Variants in TBC1D4 observed in about 807,000 individuals in gnomAD.
TBC1D4 encodes the protein TBC (Tre-2, BUB2, CDC16) domain-containing protein.
Under a neutral mutation model 142.5 loss-of-function variants are expected in TBC1D4, and 121 were observed. That is an observed-to-expected ratio of 0.85 (90% confidence interval 0.73 to 0.99). The LOEUF is 0.99. Among genes scored for constraint, TBC1D4 ranks in the 50% least tolerant of loss-of-function variants. The pLI, the probability that TBC1D4 is intolerant of heterozygous loss-of-function variation, is 0.00. For missense variants in TBC1D4, 1,475 were observed against 1,606.6 expected (o/e 0.92, Z 1.40); for synonymous variants, 630 against 628.2 (o/e 1.00, Z -0.04).
intron 1 of TBC1D4, among the ~76,000 whole-genome samples, chr13:75,390,854 AGGG>A (rs1884436225): frequency 0.011 from 1 of 94 alleles, no homozygotes; most frequent in African/African-American, 0.017. Flanking sequence ...AAGGGAGGGG[AGGG>A]GAGGGGAGGG....
intron 1 of TBC1D4, among the ~76,000 whole-genome samples, chr13:75,396,840 TATGATTAAAGAATAGAC>T (rs1033353452): frequency 2.6e-5 from 4 of 152,064 alleles, no homozygotes; most frequent in Admixed American, 6.6e-5. Flanking sequence ...TGAAAAAAAT[TATGATTAAAGAATAGAC>T]ATTTTCAGAT....
intron 1 of TBC1D4, among the ~76,000 whole-genome samples, chr13:75,420,041 G>C: frequency 6.6e-6 from 1 of 152,168 alleles, no homozygotes; most frequent in East Asian, 1.9e-4. Flanking sequence ...CAAACACAAA[G>C]GAAGAGGAGA....
At chr13:75,441,230 C>T (rs1276988805) in intron 1 of TBC1D4, among the ~76,000 whole-genome samples, 1 of 151,928 alleles carries the variant, frequency 6.6e-6, no homozygotes, top group African/African-American at 2.4e-5. Context: ...CACTCCAGCT[C>T]GGGCAACAGT....
chr13:75,373,518 CT>C (rs1032678605), intron 1 of TBC1D4, among the ~76,000 whole-genome samples: 7 of 152,266 alleles, frequency 4.6e-5, no homozygotes, highest in African/African-American at 1.7e-4. Flanking sequence ...CGGACTTGCA[CT>C]TTTTGTGGGT....
intron 1 of TBC1D4, among the ~76,000 whole-genome samples, chr13:75,421,820 G>C (rs550153527): frequency 1.1e-3 from 160 of 152,240 alleles, no homozygotes; most frequent in African/African-American, 3.4e-3. Context: ...AAAAAATACT[G>C]ACTTTAAAGT....
At chr13:75,400,453 A>G (rs1450458109) in intron 1 of TBC1D4, among the ~76,000 whole-genome samples, 2 of 113,800 alleles carry the variant, frequency 1.8e-5, no homozygotes, top group Admixed American at 2.3e-4. Flanking sequence ...CTAACAGTAA[A>G]TTCATGCTTT....
intron 6 of TBC1D4, 65 bp from the exon 7 acceptor site, chr13:75,341,300 G>T: frequency 6.8e-7 from 1 of 1,473,962 alleles, no homozygotes; most frequent in Non-Finnish European, 9.5e-7. Context: ...ATTCTGTCGG[G>T]CAGACAAACG....
intron 1 of TBC1D4, among the ~76,000 whole-genome samples, chr13:75,433,684 C>T (rs527391462): frequency 3.3e-5 from 5 of 151,970 alleles, no homozygotes; most frequent in Admixed American, 2.0e-4. Flanking sequence ...TAAAAGAGAA[C>T]GGCAAATTAA....
At chr13:75,445,056 T>C (rs1345893110) in intron 1 of TBC1D4, among the ~76,000 whole-genome samples, 6 of 152,080 alleles carry the variant, frequency 3.9e-5, no homozygotes, top group South Asian at 4.2e-4. Flanking sequence ...CACTTAACCA[T>C]TGGAAGAGTC....
At chr13:75,359,722 A>C (rs1882343231) in intron 3 of TBC1D4, 47 bp downstream of exon 3, 9 of 1,440,962 alleles carry the variant, frequency 6.2e-6, no homozygotes, top group Non-Finnish European at 8.8e-6. Flanking sequence ...GTTAATTCTG[A>C]AACAAGATTG....
chr13:75,412,855 T>A (rs1885737686), intron 1 of TBC1D4, among the ~76,000 whole-genome samples: 1 of 152,234 alleles, frequency 6.6e-6, no homozygotes, highest in South Asian at 2.1e-4. Flanking sequence ...TAAACCACAT[T>A]TAGGCAACAT....
chr13:75,302,709 C>G (rs111901907), intron 15 of TBC1D4: 4 of 412,054 alleles, frequency 9.7e-6, no homozygotes, highest in African/African-American at 8.0e-5. Flanking sequence ...CACATGCACT[C>G]AGAAAACAAC....
At chr13:75,299,295 T>A in intron 17 of TBC1D4, 35 bp downstream of exon 17, 1 of 1,613,008 alleles carries the variant, frequency 6.2e-7, no homozygotes, top group Non-Finnish European at 8.5e-7. Flanking sequence ...CTGGTAATAG[T>A]CTCACACCTT....
chr13:75,479,955 C>G (rs1361115350), intron 1 of TBC1D4, among the ~76,000 whole-genome samples: 1 of 151,300 alleles, frequency 6.6e-6, no homozygotes, highest in African/African-American at 2.4e-5. Flanking sequence ...TCACTTGAAC[C>G]CGGAAGGTGG....
At chr13:75,302,885 G>A (rs1876722676) in intron 15 of TBC1D4, 1 of 190,212 alleles carries the variant, frequency 5.3e-6, no homozygotes, top group African/African-American at 2.4e-5. Flanking sequence ...ATCCCAAAGT[G>A]TATTACTGCC....
intron 12 of TBC1D4, among the ~76,000 whole-genome samples, 188 bp downstream of exon 12, chr13:75,319,826 T>A (rs926298645): frequency 5.3e-5 from 8 of 152,188 alleles, no homozygotes; most frequent in Admixed American, 1.3e-4. Flanking sequence ...ATCAACATTT[T>A]ACATGGTAAT....
intron 1 of TBC1D4, among the ~76,000 whole-genome samples, chr13:75,384,352 C>T (rs1884048229): frequency 6.6e-6 from 1 of 152,076 alleles, no homozygotes; most frequent in African/African-American, 2.4e-5. Flanking sequence ...AGGAGGATCG[C>T]TTGAACCCGG....
intron 1 of TBC1D4, among the ~76,000 whole-genome samples, chr13:75,430,264 C>T (rs1886543127): frequency 6.6e-6 from 1 of 152,192 alleles, no homozygotes; most frequent in Non-Finnish European, 1.5e-5. Flanking sequence ...AGTTGGAAGA[C>T]ATTCCTTTCT....
In TBC1D4 at chr13:75,349,389, T is replaced by C. The variant is rs545698105; in HGVS notation, c.1276-87A>G. On this transcript the variant is annotated intron_variant, in intron 4 of 20. Transcript: ENST00000377636. ...CAACAGCAATGTGAGCCTTTGTTGA[T>C]GCTGACTAAATAAAAATAATAGAAT... is the stretch of plus-strand genomic sequence containing the variant. 2.4e-4 allele frequency: 369 copies of C among 1,530,376 alleles called. 6 individuals are homozygous for C. The South Asian group carries it at 3.9e-3, about 16-fold the overall frequency. 94.8% of individuals were successfully genotyped at this position (1,530,376 alleles called of 1,614,324 possible).
Sources: allele counts gnomAD v4.1 joint callset (sites outside exome capture counted in the v4.1 genomes callset), GRCh38; gene constraint gnomAD v4.1.1; transcripts MANE v1.5; gene names NCBI Gene and HGNC (gene_info 2026-07-23, HGNC 2026-07-21).